AMPH: variants seen among roughly 807,000 people sequenced by gnomAD.
AMPH encodes the protein amphiphysin (Stiff-Mann syndrome with breast cancer 128kD autoantigen).
Under a neutral mutation model 99.1 loss-of-function variants are expected in AMPH, and 49 were observed. The observed-to-expected ratio is 0.49, with a 90% confidence interval of 0.39 to 0.63. The LOEUF (loss-of-function observed/expected upper bound fraction) is 0.63, where lower values mean the gene tolerates loss of function less well. Among genes scored for constraint, AMPH ranks in the 20% least tolerant of loss-of-function variants. The pLI is 0.00. For synonymous variants in AMPH, 314 were observed against 317.3 expected (o/e 0.99, Z 0.11); for missense variants, 759 against 863.4 (o/e 0.88, Z 1.52).
At chr7:38,585,606 T>C (rs1423768842) in intron 1 of AMPH, among the ~76,000 whole-genome samples, 1 of 152,234 alleles carries the variant, frequency 6.6e-6, no homozygotes, top group Non-Finnish European at 1.5e-5. Flanking sequence ...TTATACTAGG[T>C]TCTGCTGTTA....
intron 2 of AMPH, among the ~76,000 whole-genome samples, chr7:38,513,495 GTGA>G (rs1386341952): frequency 6.6e-6 from 1 of 152,178 alleles, no homozygotes; most frequent in Non-Finnish European, 1.5e-5. Context: ...CAAATGACAA[GTGA>G]TGAAACTAGG....
chr7:38,572,170 G>A (rs1384722624), intron 1 of AMPH, among the ~76,000 whole-genome samples: 1 of 152,120 alleles, frequency 6.6e-6, no homozygotes, highest in Admixed American at 6.5e-5. Context: ...CTCCCAAAGT[G>A]CTGGGATTAC....
At chr7:38,606,357 A>G (rs1793433572) in intron 1 of AMPH, among the ~76,000 whole-genome samples, 4 of 152,112 alleles carry the variant, frequency 2.6e-5, no homozygotes, top group Admixed American at 2.6e-4. Flanking sequence ...AGAACCCTGT[A>G]TTCATTAGGC....
intron 2 of AMPH, among the ~76,000 whole-genome samples, 171 bp from the exon 3 acceptor site, chr7:38,503,875 A>G (rs1013312019): frequency 6.6e-6 from 1 of 152,250 alleles, no homozygotes; most frequent in Non-Finnish European, 1.5e-5. Flanking sequence ...CTAGATATTT[A>G]TAGAAATTTT....
rs200479765 is a variant in AMPH at position 38,624,379 on chromosome 7, TTATTAG to T, written c.69+6898_69+6903del. Among the ~76,000 whole-genome samples the T allele has an allele frequency of 3.9e-3, 592 of 151,850 alleles. 5 individuals carry two copies. Among genetic ancestry groups the T allele is most frequent in the Middle Eastern group, 0.01 (3 of 294 alleles). On this transcript the variant is annotated intron_variant, in intron 1 of 20. Transcript: ENST00000356264. ...AAATAGTCTAACTCCCTTATTATTA[TTATTAG>T]TATTAGTATTAGTATTAGTATTATT...
At chr7:38,598,372 A>C (rs1410379886) in intron 1 of AMPH, among the ~76,000 whole-genome samples, 2 of 152,168 alleles carry the variant, frequency 1.3e-5, no homozygotes, top group East Asian at 3.9e-4. Context: ...GCATGATCTC[A>C]GCTCACTGCA....
In AMPH at chr7:38,441,788, G is replaced by GATATATATCATATATCTA. The variant is rs59247929; in HGVS notation, c.1018-5401_1018-5400insTAGATATATGATATATAT. 2.5e-3 allele frequency among the ~76,000 whole-genome samples: 139 copies of GATATATATCATATATCTA among 55,380 alleles called. 2 individuals carry two copies. Among genetic ancestry groups the GATATATATCATATATCTA allele is most frequent in the South Asian group, 0.011 (20 of 1,804 alleles). The allele number at this position is 55,380 out of a possible 152,430, so 36.3% of individuals were successfully genotyped here. On this transcript the variant is annotated intron_variant, in intron 11 of 20. Transcript: ENST00000356264. ...TATATATGATATATATCATATATCT[G>GATATATATCATATATCTA]TCATATATATCATATATATATCATA...
chr7:38,468,648 T>C (rs1787758666), intron 7 of AMPH, among the ~76,000 whole-genome samples: 1 of 152,220 alleles, frequency 6.6e-6, no homozygotes, highest in Non-Finnish European at 1.5e-5. Context: ...TTTTCTCCAA[T>C]TTATGAAGTC....
intron 20 of AMPH, among the ~76,000 whole-genome samples, chr7:38,386,693 C>G (rs1481091559): frequency 6.6e-6 from 1 of 152,020 alleles, no homozygotes; most frequent in Non-Finnish European, 1.5e-5. Context: ...TTTATATAAA[C>G]AAACAACTCT....
rs543650756 is a variant in AMPH, at chr7:38,446,026, C to G, written c.1018-9638G>C. Among the ~76,000 whole-genome samples, 4 of 152,296 alleles carry G rather than the reference C, an allele frequency of 2.6e-5. No individual in the cohort carries two copies. The East Asian group carries it at 7.7e-4, about 29-fold the overall frequency. The stretch of plus-strand genomic sequence containing the variant: ...CATGAATAAAAGCTCGCTGAGGCCT[C>G]CCCAGAAGCAAATGCTGCCATGCTT... On this transcript the variant is annotated intron_variant, in intron 11 of 20. Transcript: ENST00000356264.
At chr7:38,572,148 G>T (rs189582712) in intron 1 of AMPH, among the ~76,000 whole-genome samples, 295 of 152,070 alleles carry the variant, frequency 1.9e-3, no homozygotes, top group African/African-American at 6.5e-3. Context: ...CAGGTGATCC[G>T]CCCACTTCAG....
chr7:38,607,081 G>A (rs1267534094), intron 1 of AMPH, among the ~76,000 whole-genome samples: 1 of 152,030 alleles, frequency 6.6e-6, no homozygotes, highest in African/African-American at 2.4e-5. Context: ...CATCATTACA[G>A]TGCCCAACTC....
chr7:38,456,704 G>T (rs1787247369), intron 11 of AMPH, among the ~76,000 whole-genome samples: 1 of 152,174 alleles, frequency 6.6e-6, no homozygotes, highest in Non-Finnish European at 1.5e-5. Context: ...CACAGCAGCT[G>T]CCCAGAGATT....
chr7:38,475,534 G>A (rs1488008607), intron 6 of AMPH, 118 bp from the exon 7 acceptor site: 4 of 664,560 alleles, frequency 6.0e-6, no homozygotes, highest in South Asian at 4.2e-5. Flanking sequence ...TTGAGAAGGA[G>A]AGTATTTGGT....
intron 1 of AMPH, among the ~76,000 whole-genome samples, chr7:38,551,584 G>A (rs1791184045): frequency 6.6e-6 from 1 of 152,142 alleles, no homozygotes; most frequent in Non-Finnish European, 1.5e-5. Context: ...CTTTCATTTT[G>A]TATAAGTGTC....
intron 18 of AMPH, among the ~76,000 whole-genome samples, chr7:38,393,243 A>G (rs2128975604): frequency 6.6e-6 from 1 of 152,360 alleles, no homozygotes; most frequent in Middle Eastern, 3.4e-3. Flanking sequence ...GAAAGGGATA[A>G]TTCAGTTTCA....
Position 38,394,058 on chromosome 7 carries a change from C to G in AMPH, c.1555G>C (p.Gly519Arg). Residue 519 changes from glycine to arginine, a missense_variant, in exon 18 of 21, where the codon GGT becomes CGT. Gly to Arg is a moderately radical substitution (Grantham distance 125). Around this residue, in one of 2 missense-constraint regions of AMPH, gnomAD observed 554 missense variants for 575.6 expected, o/e 0.96. Transcript: ENST00000356264. ...GCTTCAGGTTGGGCACTCTCTGCACCCTCAGTGGTTTCAGTTCCAATTTTG... is the reference window on the plus strand; with the variant it reads ...GCTTCAGGTTGGGCACTCTCTGCACGCTCAGTGGTTTCAGTTCCAATTTTG... ...EAKIGTETTE[G>R]AESAQPEAEE... The G allele has an allele frequency of 6.2e-7, 1 of 1,614,186 alleles. No individual in the cohort carries two copies.
intron 9 of AMPH, 120 bp from the exon 10 acceptor site, chr7:38,463,233 C>A: frequency 7.3e-7 from 1 of 1,375,132 alleles, no homozygotes; most frequent in Non-Finnish European, 1.0e-6. Flanking sequence ...GTCCTGCTCT[C>A]CCCTTCCAGG....
chr7:38,497,931 T>C (rs1367028030), intron 3 of AMPH, among the ~76,000 whole-genome samples: 1 of 152,220 alleles, frequency 6.6e-6, no homozygotes, highest in Admixed American at 6.5e-5. Context: ...CTGTGCTCCA[T>C]TTAGAGAAAG....
Sources: gnomAD v4.1 joint callset for allele counts (sites outside exome capture counted in the v4.1 genomes callset) on GRCh38, gnomAD v4.1.1 for gene constraint, gnomAD v4.1.1 regional missense constraint, MANE v1.5 for transcripts, NCBI Gene and HGNC (gene_info 2026-07-23, HGNC 2026-07-21) for gene names.